The following ZNF469 variants were observed in gnomAD, a reference collection of about 807,000 sequenced individuals.
ZNF469 encodes the protein zinc finger protein 469.
ZNF469 carries 1 observed loss-of-function variant against 1.0 expected under a neutral mutation model. The observed-to-expected ratio is 1.00, with a 90% CI of 0.35 to 4.73. ZNF469 has a LOEUF of 4.73. Ranked by LOEUF, ZNF469 falls within the 30% of genes most tolerant of loss-of-function variation. The pLI is 0.16. For missense variants in ZNF469, 6,100 were observed against 5,356.3 expected (o/e 1.14, Z -4.33); for synonymous variants, 2,703 against 2,363.4 (o/e 1.14, Z -4.17).
intron 1 of ZNF469, among the ~76,000 whole-genome samples, chr16:88,407,796 G>A (rs1905059670): frequency 6.6e-6 from 1 of 152,248 alleles, no homozygotes; most frequent in African/African-American, 2.4e-5. Context: ...TGAGTTGGGG[G>A]CATGGGCATC....
the ZNF469 span, among the ~76,000 whole-genome samples, chr16:88,138,382 GC>G: frequency 6.6e-6 from 1 of 152,162 alleles, no homozygotes; most frequent in African/African-American, 2.4e-5. Context: ...GCCTGGGAGC[GC>G]CCAGCGGGTT....
chr16:88,197,855 T>C, the ZNF469 span, among the ~76,000 whole-genome samples: 1 of 152,232 alleles, frequency 6.6e-6, no homozygotes, highest in Non-Finnish European at 1.5e-5. Context: ...CCTCACAGCA[T>C]GGCAACCAGC....
chr16:88,118,971 C>A, the ZNF469 span, among the ~76,000 whole-genome samples: 1 of 152,178 alleles, frequency 6.6e-6, no homozygotes, highest in African/African-American at 2.4e-5. Context: ...CTAGGATTTA[C>A]AAAGTTGTAA....
chr16:88,188,019 C>G, the ZNF469 span, among the ~76,000 whole-genome samples: 1 of 152,090 alleles, frequency 6.6e-6, no homozygotes, highest in Admixed American at 6.5e-5. Context: ...CCCCTGCTCC[C>G]CAGTTCTCCT....
chr16:88,257,317 C>T, the ZNF469 span, among the ~76,000 whole-genome samples: 3 of 143,192 alleles, frequency 2.1e-5, no homozygotes, highest in African/African-American at 4.9e-5. Context: ...TTTGGTGAGG[C>T]GTCATTTAAG....
the ZNF469 span, among the ~76,000 whole-genome samples, chr16:88,374,004 T>TAAA: frequency 7.0e-6 from 1 of 143,436 alleles, no homozygotes; most frequent in Non-Finnish European, 1.5e-5. Flanking sequence ...TGTCTAAAAT[T>TAAA]AAAAAAAAAA....
At chr16:88,245,089 T>C in the ZNF469 span, among the ~76,000 whole-genome samples, 2 of 152,010 alleles carry the variant, frequency 1.3e-5, no homozygotes, top group African/African-American at 4.8e-5. Context: ...AAGGAGCATT[T>C]GGTCTCTGTG....
At chr16:88,280,483 G>C in the ZNF469 span, among the ~76,000 whole-genome samples, 3 of 149,864 alleles carry the variant, frequency 2.0e-5, no homozygotes, top group Non-Finnish European at 3.0e-5. Context: ...TGCACTTGTT[G>C]GTGCTGTGCC....
chr16:88,152,611 C>A, the ZNF469 span, among the ~76,000 whole-genome samples: 3 of 152,156 alleles, frequency 2.0e-5, no homozygotes, highest in African/African-American at 7.2e-5. The surrounding 1 kb of genome is among the most constrained non-coding windows in gnomAD (Gnocchi z 4.2). Flanking sequence ...CTCTGTGGTG[C>A]TTTGTAGCTA....
the ZNF469 span, among the ~76,000 whole-genome samples, chr16:88,374,746 G>A: frequency 6.6e-6 from 1 of 152,210 alleles, no homozygotes; most frequent in Non-Finnish European, 1.5e-5. Flanking sequence ...TCGGCGCCGT[G>A]TGCTGTGGGC....
chr16:88,118,503 ACT>A, the ZNF469 span, among the ~76,000 whole-genome samples: 5 of 151,872 alleles, frequency 3.3e-5, no homozygotes, highest in Non-Finnish European at 5.9e-5. Flanking sequence ...ATTTGGGCTG[ACT>A]CTCTGCTTTC....
the ZNF469 span, among the ~76,000 whole-genome samples, chr16:88,243,949 T>A: frequency 0.03 from 2,839 of 93,874 alleles, 178 homozygotes; most frequent in Non-Finnish European, 0.045. Flanking sequence ...TATATATATA[T>A]ATAAATGTAT....
At chr16:88,361,898 G>T in the ZNF469 span, among the ~76,000 whole-genome samples, 1 of 152,306 alleles carries the variant, frequency 6.6e-6, no homozygotes, top group South Asian at 2.1e-4. Flanking sequence ...AGTTGTGCCT[G>T]TGTCATTGGT....
chr16:88,259,902 T>G, the ZNF469 span, among the ~76,000 whole-genome samples: 1 of 152,122 alleles, frequency 6.6e-6, no homozygotes, highest in East Asian at 1.9e-4. The surrounding 1 kb of genome is among the most constrained non-coding windows in gnomAD (Gnocchi z 4.1). Flanking sequence ...TCCGGACATT[T>G]ACAGATTTAC....
chr16:88,415,426 G>T (rs576480681), intron 1 of ZNF469, among the ~76,000 whole-genome samples: 3 of 152,348 alleles, frequency 2.0e-5, no homozygotes, highest in Non-Finnish European at 2.9e-5. Context: ...AGGGAAGAAG[G>T]CTCTGTGTCC....
At chr16:88,219,188 A>T in the ZNF469 span, among the ~76,000 whole-genome samples, 7 of 149,040 alleles carry the variant, frequency 4.7e-5, no homozygotes, top group African/African-American at 1.8e-4. Context: ...AAATGGCCAT[A>T]CTGCCCAAGG....
At chr16:88,221,523 G>T in the ZNF469 span, among the ~76,000 whole-genome samples, 1 of 152,184 alleles carries the variant, frequency 6.6e-6, no homozygotes, top group Non-Finnish European at 1.5e-5. Context: ...CCTTCTGAGC[G>T]CTTCCTCCAG....
At chr16:88,305,232 A>C in the ZNF469 span, among the ~76,000 whole-genome samples, 1 of 151,922 alleles carries the variant, frequency 6.6e-6, no homozygotes, top group Non-Finnish European at 1.5e-5. Context: ...ACACATGCAC[A>C]CACACGCTCA....
the ZNF469 span, among the ~76,000 whole-genome samples, chr16:88,311,855 C>T: frequency 3.3e-5 from 5 of 152,062 alleles, no homozygotes; most frequent in Admixed American, 1.3e-4. Context: ...CCTGAAGCTG[C>T]GTGCTTTCAA....
Sources: gnomAD v4.1 joint callset for allele counts (sites outside exome capture counted in the v4.1 genomes callset) on GRCh38, gnomAD v4.1.1 for gene constraint, Gnocchi (gnomAD v3.1) non-coding constraint, MANE v1.5 for transcripts, NCBI Gene and HGNC (gene_info 2026-07-23, HGNC 2026-07-21) for gene names.